Variants in GCNT4 observed in about 807,000 individuals in gnomAD.
GCNT4 encodes the protein beta-1,3-galactosyl-O-glycosyl-glycoprotein beta-1,6-N-acetylglucosaminyltransferase 4.
A neutral mutation model predicts 31.3 loss-of-function variants in GCNT4; 17 were observed. The observed-to-expected ratio is 0.54, with a 90% CI of 0.37 to 0.81. The LOEUF is 0.81. GCNT4 is among the 40% of genes least tolerant of loss of function. The pLI is 0.00. For missense variants in GCNT4, 503 were observed against 525.5 expected (o/e 0.96, Z 0.42); for synonymous variants, 158 against 190.6 (o/e 0.83, Z 1.41).
rs1743434764 is a variant in GCNT4, at chr5:75,046,231, T to C, written c.-2+1666A>G. 2.0e-5 allele frequency among the ~76,000 whole-genome samples: 3 copies of C among 152,036 alleles called. No homozygotes were observed. In the South Asian group the frequency reaches 6.2e-4, roughly 32 times the overall value. ...CCAACCTCAGAAGAGGGCAGGAGGG[T>C]TGCTGGAAAGGCTAAAGGAAGAAGG... On this transcript the variant is annotated intron_variant, in intron 3 of 3. Transcript: ENST00000652361.
chr5:75,037,259 G>C (rs188516976), intron 3 of GCNT4, among the ~76,000 whole-genome samples: 2 of 152,258 alleles, frequency 1.3e-5, no homozygotes, highest in Admixed American at 1.3e-4. Flanking sequence ...TCTGGAGTGA[G>C]ACCATTAGGT....
intron 2 of GCNT4, among the ~76,000 whole-genome samples, chr5:75,050,339 G>A (rs1374120176): frequency 6.6e-6 from 1 of 152,262 alleles, no homozygotes; most frequent in East Asian, 1.9e-4. Context: ...AGGGGGAGGG[G>A]ATCCAGACAT....
rs746667657 is a variant in GCNT4, at chr5:75,029,672, C to G, written c.366G>C (p.Lys122Asn). ...IYQTLRGYAQ[K>N]LVSKEEKSFP... ...AGCTTTTCTCCTCCTTTGAGACAAG[C>G]TTTTGAGCATAACCTCTTAGAGTCT... Residue 122 changes from lysine (K) to asparagine (N), a missense_variant, in exon 4 of 4, where the codon AAG becomes AAC. Transcript: ENST00000652361. 2.5e-6 allele frequency: 4 copies of G among 1,613,988 alleles called. No individual in the cohort carries two copies. The highest frequency in any genetic ancestry group is 3.4e-6 in the Non-Finnish European group (4 of 1,180,028).
chr5:75,037,223 C>T (rs1315045971), intron 3 of GCNT4, among the ~76,000 whole-genome samples: 1 of 152,154 alleles, frequency 6.6e-6, no homozygotes, highest in Non-Finnish European at 1.5e-5. Flanking sequence ...CTTGGTGACT[C>T]GCTCACTGCC....
rs550773852 is a variant in GCNT4 at position 75,032,274 on chromosome 5, A to G, written c.-1-2236T>C. 2.0e-5 allele frequency among the ~76,000 whole-genome samples: 3 copies of G among 152,118 alleles called. No individual in the cohort carries two copies. The East Asian group carries it at 5.8e-4, about 29-fold the overall frequency. On this transcript the variant is annotated intron_variant, in intron 3 of 3. Transcript: ENST00000652361. ...CCACCTTCCACACTGATGCCTTTCC[A>G]TATTCCAACACCTTTCCCTCCAGCC...
rs1392839424 is a variant in GCNT4, at chr5:75,025,369, A to G, written c.*3307T>C. Reference sequence around the variant, plus strand: ...GGTTTGGGTTTTTGGAGCACATTTTATTTTACAATACCAGAGAATCAACAT... The same window carrying G: ...GGTTTGGGTTTTTGGAGCACATTTTGTTTTACAATACCAGAGAATCAACAT... On this transcript the variant is annotated 3_prime_UTR_variant, in exon 4 of 4. Coordinates refer to ENST00000652361, the MANE Select transcript of GCNT4 (RefSeq NM_001366737.1). The G allele has an allele frequency of 6.6e-6, 1 of 152,246 alleles. No homozygotes were observed. The highest frequency in any genetic ancestry group is 1.5e-5 in the Non-Finnish European group (1 of 68,034). The allele number at this position is 152,246 out of a possible 1,614,324, so 9.4% of individuals were successfully genotyped here. A position where few individuals can be genotyped will look rare whatever the true frequency, so the allele number is the denominator to read the frequency against.
At chr5:75,041,661 T>C (rs1011869515) in intron 3 of GCNT4, among the ~76,000 whole-genome samples, 1 of 152,108 alleles carries the variant, frequency 6.6e-6, no homozygotes, top group Admixed American at 6.5e-5. Flanking sequence ...TCAAGGTCAT[T>C]GGAAATCTGG....
At chr5:75,051,107 TCTC>T (rs1386140534) in intron 2 of GCNT4, among the ~76,000 whole-genome samples, 2 of 152,084 alleles carry the variant, frequency 1.3e-5, no homozygotes, top group Non-Finnish European at 2.9e-5. Context: ...CAGGCTCTCC[TCTC>T]CTCTGGTCTC....
the GCNT4 span, among the ~76,000 whole-genome samples, chr5:75,019,941 T>A: frequency 2.0e-5 from 3 of 152,220 alleles, no homozygotes; most frequent in East Asian, 5.8e-4. Flanking sequence ...ACACATATGA[T>A]ACAGTTGGAA....
At chr5:75,034,354 G>A (rs1743152102) in intron 3 of GCNT4, among the ~76,000 whole-genome samples, 1 of 152,328 alleles carries the variant, frequency 6.6e-6, no homozygotes, top group East Asian at 1.9e-4. Flanking sequence ...GGGTGGAGGT[G>A]GGCTGGTAGA....
rs1223281472 is a variant in GCNT4 at position 75,047,976 on chromosome 5, G to A, written c.-81C>T. 2 of 152,200 alleles carry A rather than the reference G, an allele frequency of 1.3e-5. No individual in the cohort carries two copies. Among genetic ancestry groups the A allele is most frequent in the Non-Finnish European group, 1.5e-5 (1 of 68,030 alleles). 9.4% of individuals were successfully genotyped at this position (152,200 alleles called of 1,614,324 possible). On this transcript the variant is annotated 5_prime_UTR_variant, in exon 3 of 4. Coordinates refer to ENST00000652361, the MANE Select transcript of GCNT4 (RefSeq NM_001366737.1). Reference sequence around the variant, plus strand: ...AAGGAACATCACCGTCAGTTACTGAGGAGGTGCTACAGATGGCTGTACTGG... The same window carrying A: ...AAGGAACATCACCGTCAGTTACTGAAGAGGTGCTACAGATGGCTGTACTGG...
chr5:75,036,104 C>T (rs779510345), intron 3 of GCNT4, among the ~76,000 whole-genome samples: 1 of 151,820 alleles, frequency 6.6e-6, no homozygotes, highest in Non-Finnish European at 1.5e-5. Flanking sequence ...GCCCTCCATA[C>T]ATGTAGGATT....
chr5:75,044,338 C>T (rs1743389480), intron 3 of GCNT4, among the ~76,000 whole-genome samples: 1 of 151,858 alleles, frequency 6.6e-6, no homozygotes. Context: ...ACACTGGACC[C>T]CCTCCATGTT....
chr5:75,039,618 C>G (rs901118234), intron 3 of GCNT4, among the ~76,000 whole-genome samples: 1 of 152,176 alleles, frequency 6.6e-6, no homozygotes, highest in Non-Finnish European at 1.5e-5. Context: ...ATACTACTAA[C>G]CACAATTCGA....
rs1742966230 is a variant in GCNT4 at position 75,027,304 on chromosome 5, A to T, written c.*1372T>A. 8.5e-6 allele frequency: 1 copy of T among 117,676 alleles called. No homozygotes were observed. The highest frequency in any genetic ancestry group is 1.7e-5 in the Non-Finnish European group (1 of 58,350). The allele number at this position is 117,676 out of a possible 1,614,324, so 7.3% of individuals were successfully genotyped here. On this transcript the variant is annotated 3_prime_UTR_variant, in exon 4 of 4. Transcript: ENST00000652361. The stretch of plus-strand genomic sequence containing the variant: ...ATATAATATATATTTATATATATAT[A>T]ATTATATGTATATATAATATATATT...
At chr5:75,053,681 G>A (rs1268505033), upstream of GCNT4, among the ~76,000 whole-genome samples, 8 of 152,020 alleles carry the variant, frequency 5.3e-5, no homozygotes, top group Non-Finnish European at 1.5e-5. Flanking sequence ...GCCCGGGGTG[G>A]GAGAGCGCTG....
intron 3 of GCNT4, among the ~76,000 whole-genome samples, chr5:75,031,457 G>A (rs73122571): frequency 0.015 from 2,298 of 152,296 alleles, 51 homozygotes; most frequent in African/African-American, 0.052. Flanking sequence ...AATTCCGCCC[G>A]TTATGGTAGG....
chr5:75,031,233 C>A (rs916524851), intron 3 of GCNT4, among the ~76,000 whole-genome samples: 8 of 152,200 alleles, frequency 5.3e-5, no homozygotes, highest in South Asian at 2.1e-4. Context: ...TGCCACCATG[C>A]CCGGCTAATT....
At chr5:75,036,017 G>C (rs1282190300) in intron 3 of GCNT4, among the ~76,000 whole-genome samples, 1 of 151,904 alleles carries the variant, frequency 6.6e-6, no homozygotes, top group Non-Finnish European at 1.5e-5. Flanking sequence ...TTCATTCCAG[G>C]GCCCCCGTCC....
Sources: allele counts gnomAD v4.1 joint callset (sites outside exome capture counted in the v4.1 genomes callset), GRCh38; gene constraint gnomAD v4.1.1; transcripts MANE v1.5; gene names NCBI Gene and HGNC (gene_info 2026-07-23, HGNC 2026-07-21).